The following POU6F2 variants were observed in gnomAD, a reference collection of about 807,000 sequenced individuals.
The protein encoded by POU6F2 is POU class 6 homeobox 2.
Under a neutral mutation model 71.3 loss-of-function variants are expected in POU6F2, and 31 were observed. That is an observed-to-expected ratio of 0.43 (90% CI 0.33 to 0.59). The LOEUF is 0.59. POU6F2 is among the 20% of genes least tolerant of loss of function. The pLI, the probability that POU6F2 is intolerant of heterozygous loss-of-function variation, is 0.04. For synonymous variants in POU6F2, 347 were observed against 355.7 expected (o/e 0.98, Z 0.27); for missense variants, 783 against 856.8 (o/e 0.91, Z 1.07).
At chr7:39,089,174 C>T (rs867865787) in intron 2 of POU6F2, among the ~76,000 whole-genome samples, 7 of 152,300 alleles carry the variant, frequency 4.6e-5, no homozygotes, top group Middle Eastern at 6.8e-3. Context: ...GCCATGGAAA[C>T]TAAAGTACAC....
Position 39,193,528 on chromosome 7 carries a change from C to G in POU6F2, c.278-10707C>G, listed in dbSNP as rs902750825. Among the ~76,000 whole-genome samples the G allele has an allele frequency of 7.9e-5, 12 of 152,196 alleles. 1 individual carries two copies. In the East Asian group the frequency reaches 2.3e-3, roughly 29 times the overall value. On this transcript the variant is annotated intron_variant, in intron 2 of 9. Transcript: ENST00000518318. Reference sequence around the variant, plus strand: ...AGTCAAATGGAATTGCATTCAGATCCCAACTCTATCACTCACTAACTGTGA... The same window carrying G: ...AGTCAAATGGAATTGCATTCAGATCGCAACTCTATCACTCACTAACTGTGA...
At chr7:39,301,322 A>G (rs1784944516) in intron 4 of POU6F2, among the ~76,000 whole-genome samples, 1 of 152,186 alleles carries the variant, frequency 6.6e-6, no homozygotes, top group African/African-American at 2.4e-5. Context: ...CTGTCAGTCC[A>G]CCGTGCAGAG....
At chr7:39,286,918 A>G (rs1260260840) in intron 4 of POU6F2, among the ~76,000 whole-genome samples, 2 of 145,818 alleles carry the variant, frequency 1.4e-5, no homozygotes, top group Non-Finnish European at 3.0e-5. Context: ...ATGAGCCACC[A>G]TGCCCAGCTT....
intron 2 of POU6F2, among the ~76,000 whole-genome samples, chr7:39,092,528 A>G (rs746383088): frequency 2.6e-5 from 4 of 152,092 alleles, no homozygotes; most frequent in Non-Finnish European, 4.4e-5. Context: ...TCATGCTATG[A>G]CTCTGAATGA....
intron 1 of POU6F2, among the ~76,000 whole-genome samples, chr7:39,000,266 A>G (rs1788863000): frequency 6.6e-6 from 1 of 152,196 alleles, no homozygotes. Context: ...CTTGAAGCTT[A>G]TAGATATACT....
chr7:39,269,016 T>C (rs546752526), intron 4 of POU6F2, among the ~76,000 whole-genome samples: 58 of 152,372 alleles, frequency 3.8e-4, no homozygotes, highest in Non-Finnish European at 7.2e-4. Flanking sequence ...TAGCCATGCA[T>C]GAGCATTTAC....
At chr7:39,343,211 T>C (rs1785956747) in intron 5 of POU6F2, among the ~76,000 whole-genome samples, 1 of 152,186 alleles carries the variant, frequency 6.6e-6, no homozygotes, top group African/African-American at 2.4e-5. Flanking sequence ...AAAAACAGTG[T>C]GTGGGACAAA....
chr7:39,275,824 G>A (rs1039312235), intron 4 of POU6F2, among the ~76,000 whole-genome samples: 1 of 151,658 alleles, frequency 6.6e-6, no homozygotes, highest in Non-Finnish European at 1.5e-5. Flanking sequence ...TTTAATAAAT[G>A]GTGCTGGGAA....
intron 2 of POU6F2, among the ~76,000 whole-genome samples, chr7:39,097,558 A>G (rs1584540721): frequency 6.6e-6 from 1 of 152,202 alleles, no homozygotes; most frequent in East Asian, 1.9e-4. Context: ...ACAGTGTAGA[A>G]TAGAAGTGAA....
At chr7:39,091,329 G>A (rs1464748346) in intron 2 of POU6F2, among the ~76,000 whole-genome samples, 1 of 152,088 alleles carries the variant, frequency 6.6e-6, no homozygotes, top group Non-Finnish European at 1.5e-5. Context: ...GCTATGCCTG[G>A]GGTGCTCAGG....
intron 4 of POU6F2, among the ~76,000 whole-genome samples, chr7:39,300,167 G>A (rs1333826463): frequency 1.3e-5 from 2 of 152,154 alleles, no homozygotes; most frequent in Non-Finnish European, 2.9e-5. Flanking sequence ...TCACAAAAAT[G>A]TTACAAGAGA....
chr7:39,138,477 G>T (rs1293336333), intron 2 of POU6F2, among the ~76,000 whole-genome samples: 2 of 152,148 alleles, frequency 1.3e-5, no homozygotes, highest in Non-Finnish European at 2.9e-5. Context: ...CCTCCTGTCA[G>T]ATCAGCGGCA....
intron 4 of POU6F2, among the ~76,000 whole-genome samples, chr7:39,325,262 A>G (rs2128769983): frequency 6.6e-6 from 1 of 152,340 alleles, no homozygotes; most frequent in Non-Finnish European, 1.5e-5. Flanking sequence ...TCCCAAGCAA[A>G]GCTAGGATCC....
At chr7:39,218,625 A>G (rs923478360) in intron 4 of POU6F2, among the ~76,000 whole-genome samples, 3 of 152,146 alleles carry the variant, frequency 2.0e-5, no homozygotes, top group Non-Finnish European at 2.9e-5. Flanking sequence ...GCCAGGCACT[A>G]TAGTAGGCAC....
intron 5 of POU6F2, chr7:39,373,389 A>G: frequency 1.8e-5 from 8 of 455,860 alleles, no homozygotes; most frequent in Non-Finnish European, 1.3e-5. Context: ...CAACTCAAAT[A>G]TGATAATTAG....
chr7:39,369,267 G>A (rs913369689), intron 5 of POU6F2, among the ~76,000 whole-genome samples: 1 of 152,106 alleles, frequency 6.6e-6, no homozygotes, highest in Non-Finnish European at 1.5e-5. Flanking sequence ...CACCACCTCT[G>A]TCAGTCAGCA....
At chr7:39,164,233 T>C (rs1057259797) in intron 2 of POU6F2, among the ~76,000 whole-genome samples, 6 of 151,680 alleles carry the variant, frequency 4.0e-5, no homozygotes, top group Admixed American at 3.3e-4. Context: ...AAAAAATAAA[T>C]AATAGTAAGT....
At chr7:39,141,030 C>T (rs1243509689) in intron 2 of POU6F2, among the ~76,000 whole-genome samples, 9 of 152,096 alleles carry the variant, frequency 5.9e-5, no homozygotes, top group Non-Finnish European at 1.0e-4. Flanking sequence ...CCAGTCTTAA[C>T]GTCAGAAGTT....
intron 8 of POU6F2, among the ~76,000 whole-genome samples, chr7:39,459,452 GGTTTT>G (rs141262587): frequency 0.18 from 26,202 of 148,910 alleles, 2,569 homozygotes; most frequent in Non-Finnish European, 0.23. Flanking sequence ...TGGTTTTGTG[GGTTTT>G]GTTTTGTTTT....
Sources: allele counts gnomAD v4.1 joint callset (sites outside exome capture counted in the v4.1 genomes callset), GRCh38; gene constraint gnomAD v4.1.1; transcripts MANE v1.5; gene names NCBI Gene and HGNC (gene_info 2026-07-23, HGNC 2026-07-21).